Variants in PTPRD observed in about 807,000 individuals in gnomAD.
The protein encoded by PTPRD is protein tyrosine phosphatase receptor type D.
In PTPRD, 34 loss-of-function variants were observed where a neutral mutation model predicts 214.5. The ratio of observed to expected loss-of-function variants is 0.16; its 90% CI spans 0.12 to 0.21. PTPRD has a LOEUF of 0.21. PTPRD is among the 10% of genes least tolerant of loss of function. The pLI, the probability that PTPRD is intolerant of heterozygous loss-of-function variation, is 1.00. For synonymous variants in PTPRD, 1,128 were observed against 845.7 expected (o/e 1.33, Z -5.79); for missense variants, 2,545 against 2,398.7 (o/e 1.06, Z -1.27).
chr9:9,015,347 CCAAA>C (rs1255131437), intron 11 of PTPRD, among the ~76,000 whole-genome samples: 1 of 152,116 alleles, frequency 6.6e-6, no homozygotes, highest in Admixed American at 6.6e-5. Flanking sequence ...CCAAAACCCA[CCAAA>C]ACCAAGATGG....
rs2130708327 is a variant in PTPRD, at chr9:8,319,888, A to T, written c.5613T>A (p.Asp1871Glu). 1 of 1,613,148 alleles carries T rather than the reference A, an allele frequency of 6.2e-7. No homozygotes were observed. Among genetic ancestry groups the T allele is most frequent in the Non-Finnish European group, 8.5e-7 (1 of 1,179,480 alleles). The change falls in exon 45 of 46, where the codon GAT (aspartate) becomes GAA (glutamate). Residue 1871 changes from aspartate to glutamate, a missense_variant. Asp to Glu is a conservative substitution (Grantham distance 45). Transcript: ENST00000381196. ...LERMRYEGVV[D>E]IFQTVKMLRT... ...TTAACATTTTGACAGTCTGGAAGAT[A>T]TCTACAACTCCTTCATATCTCATTC...
intron 4 of PTPRD, among the ~76,000 whole-genome samples, chr9:9,955,972 G>T (rs1286371228): frequency 6.6e-6 from 1 of 152,044 alleles, no homozygotes; most frequent in Non-Finnish European, 1.5e-5. Flanking sequence ...GGAGTGGTGG[G>T]GGGGATCTAA....
At chr9:10,496,206 G>T (rs2041979776) in intron 2 of PTPRD, among the ~76,000 whole-genome samples, 1 of 151,678 alleles carries the variant, frequency 6.6e-6, no homozygotes, top group African/African-American at 2.4e-5. Context: ...TTAGGGTATT[G>T]TTATCTTCGA....
chr9:9,008,618 C>T (rs1372890929), intron 11 of PTPRD, among the ~76,000 whole-genome samples: 1 of 152,096 alleles, frequency 6.6e-6, no homozygotes, highest in Non-Finnish European at 1.5e-5. Flanking sequence ...ACCTATTATG[C>T]TGCTGACCTT....
At chr9:10,456,124 C>T (rs1277106358) in intron 2 of PTPRD, among the ~76,000 whole-genome samples, 3 of 151,810 alleles carry the variant, frequency 2.0e-5, no homozygotes, top group Admixed American at 1.3e-4. Context: ...ATTAAGTAAA[C>T]TACTTCAGAC....
At chr9:8,798,027 T>C (rs1377050535) in intron 11 of PTPRD, among the ~76,000 whole-genome samples, 1 of 152,170 alleles carries the variant, frequency 6.6e-6, no homozygotes, top group Non-Finnish European at 1.5e-5. Context: ...AATGGTAACT[T>C]GAGTCAAAGC....
chr9:9,311,457 G>A (rs1197801469), intron 9 of PTPRD, among the ~76,000 whole-genome samples: 1 of 152,014 alleles, frequency 6.6e-6, no homozygotes, highest in East Asian at 1.9e-4. Flanking sequence ...CAGACACAAG[G>A]CTACTGCTCC....
chr9:10,353,396 C>T lies in PTPRD; in HGVS notation c.-599-12379G>A, dbSNP rs142772083. Among the ~76,000 whole-genome samples the T allele has an allele frequency of 2.2e-3, 336 of 152,018 alleles. 3 individuals carry two copies. Among genetic ancestry groups the T allele is most frequent in the African/African-American group, 7.3e-3 (302 of 41,514 alleles). Reference sequence around the variant, plus strand: ...TTTCAGAGTTTGTTTATTCCACTTCCTAACAGCACTTTTCAGTCATCAATA... The same window carrying T: ...TTTCAGAGTTTGTTTATTCCACTTCTTAACAGCACTTTTCAGTCATCAATA... On this transcript the variant is annotated intron_variant, in intron 2 of 45. Transcript: ENST00000381196.
In PTPRD at chr9:10,140,601, T is replaced by G. The variant is rs182236478; in HGVS notation, c.-544-106811A>C. Among the ~76,000 whole-genome samples the G allele has an allele frequency of 2.0e-3, 302 of 152,206 alleles. 1 individual carries two copies. Among genetic ancestry groups the G allele is most frequent in the African/African-American group, 6.9e-3 (286 of 41,538 alleles). ...AGAACAGGAGCTGAAATTGTGGCAA[T>G]AATCAATAGCTTACCAACGAAAAAA... On this transcript the variant is annotated intron_variant, in intron 3 of 45. Transcript: ENST00000381196.
At chr9:9,082,597 G>C (rs927042735) in intron 10 of PTPRD, among the ~76,000 whole-genome samples, 3 of 152,122 alleles carry the variant, frequency 2.0e-5, no homozygotes, top group African/African-American at 4.8e-5. Context: ...AATTAGAAAA[G>C]AGGAAGTCAA....
At chr9:9,102,994 T>C (rs1441403287) in intron 10 of PTPRD, among the ~76,000 whole-genome samples, 2 of 152,222 alleles carry the variant, frequency 1.3e-5, no homozygotes, top group Non-Finnish European at 2.9e-5. Context: ...ATGGTCTCTG[T>C]GTCTTTGATA....
At chr9:9,495,856 C>A (rs1299241178) in intron 8 of PTPRD, among the ~76,000 whole-genome samples, 2 of 152,222 alleles carry the variant, frequency 1.3e-5, no homozygotes, top group African/African-American at 4.8e-5. Flanking sequence ...AATGGGCCAA[C>A]TGAGCTGCTA....
At chr9:10,050,712 CAAT>C (rs1018760798) in intron 3 of PTPRD, among the ~76,000 whole-genome samples, 13 of 150,652 alleles carry the variant, frequency 8.6e-5, no homozygotes, top group African/African-American at 2.4e-4. Context: ...AATAAACCAA[CAAT>C]AAGACAAATA....
chr9:10,436,043 C>T (rs2098714922), intron 2 of PTPRD, among the ~76,000 whole-genome samples: 1 of 151,770 alleles, frequency 6.6e-6, no homozygotes, highest in South Asian at 2.1e-4. Flanking sequence ...CGGTATAACA[C>T]AAAGTGAAAG....
intron 11 of PTPRD, among the ~76,000 whole-genome samples, chr9:8,892,572 T>C (rs2098549191): frequency 6.7e-6 from 1 of 150,160 alleles, no homozygotes; most frequent in Non-Finnish European, 1.5e-5. Flanking sequence ...TATGTGTGTA[T>C]ATATATGTGT....
intron 7 of PTPRD, among the ~76,000 whole-genome samples, chr9:9,666,509 G>A (rs1238829026): frequency 1.3e-5 from 2 of 151,934 alleles, no homozygotes; most frequent in African/African-American, 4.8e-5. Flanking sequence ...GTTACACACA[G>A]CTCAATTTTA....
intron 12 of PTPRD, among the ~76,000 whole-genome samples, chr9:8,699,035 G>A (rs138402099): frequency 1.3e-5 from 2 of 152,154 alleles, no homozygotes; most frequent in Admixed American, 1.3e-4. Context: ...CTTCTTTAAG[G>A]ATGGATTTCT....
chr9:9,757,913 T>A (rs1395030920), intron 6 of PTPRD, among the ~76,000 whole-genome samples: 1 of 151,952 alleles, frequency 6.6e-6, no homozygotes, highest in Non-Finnish European at 1.5e-5. Flanking sequence ...GGAGCCCAAG[T>A]GAAGCCATTT....
chr9:8,720,769 G>A (rs1173105280), intron 12 of PTPRD, among the ~76,000 whole-genome samples: 1 of 152,046 alleles, frequency 6.6e-6, no homozygotes, highest in Non-Finnish European at 1.5e-5. Flanking sequence ...AGCTGTGACT[G>A]TGACATAACT....
Sources: allele counts gnomAD v4.1 joint callset (sites outside exome capture counted in the v4.1 genomes callset), GRCh38; gene constraint gnomAD v4.1.1; transcripts MANE v1.5; gene names NCBI Gene and HGNC (gene_info 2026-07-23, HGNC 2026-07-21).